KCNN3: variants seen among roughly 807,000 people sequenced by gnomAD.
KCNN3 encodes the protein small conductance calcium-activated potassium channel protein 3.
A neutral mutation model predicts 62.9 loss-of-function variants in KCNN3; 16 were observed. The observed-to-expected ratio is 0.25, with a 90% CI of 0.17 to 0.39. The LOEUF is 0.39. KCNN3 is among the 10% of genes least tolerant of loss of function. KCNN3 has a pLI of 1.00. For synonymous variants in KCNN3, 370 were observed against 389.2 expected (o/e 0.95, Z 0.58); for missense variants, 599 against 949.4 (o/e 0.63, Z 4.85).
At chr1:154,820,564 C>G (rs1228510569) in intron 2 of KCNN3, among the ~76,000 whole-genome samples, 2 of 152,212 alleles carry the variant, frequency 1.3e-5, no homozygotes, top group Non-Finnish European at 2.9e-5. Flanking sequence ...TGGGGTGGAA[C>G]CAGGCCCGGA....
chr1:154,699,152 G>A lies in KCNN3; in HGVS notation c.*8824C>T, dbSNP rs954896809. 2.0e-5 allele frequency: 3 copies of A among 147,364 alleles called. No individual in the cohort carries two copies. Among genetic ancestry groups the A allele is most frequent in the Non-Finnish European group, 4.5e-5 (3 of 67,174 alleles). The allele number at this position is 147,364 out of a possible 1,614,324, so 9.1% of individuals were successfully genotyped here. On this transcript the variant is annotated 3_prime_UTR_variant, in exon 8 of 8. Transcript: ENST00000271915. ...CTTTGGTGACCTGAGAAAGTTTACCGTAACTCCATTCAAAACCTTCAGGCA... is the reference window on the plus strand; with the variant it reads ...CTTTGGTGACCTGAGAAAGTTTACCATAACTCCATTCAAAACCTTCAGGCA...
rs935756764 is a variant in KCNN3, at chr1:154,759,997, T to G, written c.1448+11978A>C. On this transcript the variant is annotated intron_variant, in intron 3 of 7. Transcript: ENST00000271915. ...TTCTCTCTCTCTCCCACTTTCTTTC[T>G]CCTCTCTTTCTTTTCCTTCTTTCTT... Among the ~76,000 whole-genome samples, 7 of 152,136 alleles carry G rather than the reference T, an allele frequency of 4.6e-5. No homozygotes were observed. In the East Asian group the frequency reaches 1.4e-3, roughly 29 times the overall value.
intron 6 of KCNN3, among the ~76,000 whole-genome samples, chr1:154,713,903 C>A (rs867109980): frequency 1.3e-5 from 2 of 150,168 alleles, no homozygotes; most frequent in African/African-American, 2.5e-5. Context: ...CTTTTAAAAA[C>A]TCCTCCATCA....
intron 2 of KCNN3, among the ~76,000 whole-genome samples, chr1:154,789,718 C>T (rs1306255716): frequency 6.6e-6 from 1 of 152,058 alleles, no homozygotes; most frequent in African/African-American, 2.4e-5. Flanking sequence ...GAAGGAGGTG[C>T]TGCTTTTGTT....
chr1:154,770,925 C>CGG (rs1648523244), intron 3 of KCNN3, among the ~76,000 whole-genome samples: 1 of 152,024 alleles, frequency 6.6e-6, no homozygotes, highest in Non-Finnish European at 1.5e-5. Flanking sequence ...GGTATGGTGG[C>CGG]GCATGCCTGT....
At chr1:154,747,905 C>T (rs577863950) in intron 3 of KCNN3, among the ~76,000 whole-genome samples, 1 of 152,212 alleles carries the variant, frequency 6.6e-6, no homozygotes, top group Non-Finnish European at 1.5e-5. Context: ...GGCCCCTCTG[C>T]CCGGAGGCCC....
rs1553231996 is a variant in KCNN3 at position 154,766,416 on chromosome 1, T to TTTTATATATATATATATA, written c.1448+5558_1448+5559insTATATATATATATATAAA. Reference sequence around the variant, plus strand: ...CCATTTATTAAATACTAGCCAGGCTTTATATATATATATATATATATATAT... The same window carrying TTTTATATATATATATATA: ...CCATTTATTAAATACTAGCCAGGCTTTTTATATATATATATATATATATATATATATATATATATATAT... On this transcript the variant is annotated intron_variant, in intron 3 of 7. Transcript: ENST00000271915. 1.8e-4 allele frequency among the ~76,000 whole-genome samples: 13 copies of TTTTATATATATATATATA among 71,802 alleles called. 1 individual carries two copies. The highest frequency in any genetic ancestry group is 3.1e-4 in the Non-Finnish European group (11 of 35,922). The allele number at this position is 71,802 out of a possible 152,430, so 47.1% of individuals were successfully genotyped here. A position where few individuals can be genotyped will look rare whatever the true frequency, so the allele number is the denominator to read the frequency against.
chr1:154,785,485 T>G (rs1465356042), intron 2 of KCNN3, among the ~76,000 whole-genome samples: 1 of 151,494 alleles, frequency 6.6e-6, no homozygotes, highest in Non-Finnish European at 1.5e-5. Flanking sequence ...TTTCCTGATC[T>G]CCCAGTGGCG....
At chr1:154,775,569 C>G (rs909818830) in intron 2 of KCNN3, among the ~76,000 whole-genome samples, 14 of 118,444 alleles carry the variant, frequency 1.2e-4, no homozygotes, top group African/African-American at 3.5e-4. Flanking sequence ...CAGCCAGCCC[C>G]CCACCCACCC....
intron 2 of KCNN3, among the ~76,000 whole-genome samples, chr1:154,818,099 A>G (rs1473454545): frequency 6.6e-6 from 1 of 152,140 alleles, no homozygotes; most frequent in Non-Finnish European, 1.5e-5. Flanking sequence ...AACAAAATGC[A>G]TTGCTTCTTG....
intron 1 of KCNN3, chr1:154,859,792 G>A: frequency 6.2e-7 from 1 of 1,613,894 alleles, no homozygotes; most frequent in South Asian, 1.1e-5. Context: ...GCTCTAAGGA[G>A]TAGGTGCCAG....
intron 1 of KCNN3, chr1:154,867,942 A>C: frequency 1.0e-6 from 1 of 985,086 alleles, no homozygotes; most frequent in Non-Finnish European, 1.2e-6. Flanking sequence ...CATCGGCAGA[A>C]ACCCACCTTC....
intron 3 of KCNN3, among the ~76,000 whole-genome samples, chr1:154,757,985 A>C (rs537593175): frequency 1.3e-5 from 2 of 152,362 alleles, no homozygotes; most frequent in Non-Finnish European, 2.9e-5. Flanking sequence ...TAAGAGCATA[A>C]GCAAGGCTCC....
intron 3 of KCNN3, among the ~76,000 whole-genome samples, chr1:154,745,432 C>T (rs16836320): frequency 0.26 from 39,722 of 152,126 alleles, 5,456 homozygotes; most frequent in Middle Eastern, 0.34. Flanking sequence ...TTAGTGGTTT[C>T]CTGTAGAAGC....
intron 3 of KCNN3, among the ~76,000 whole-genome samples, chr1:154,768,708 C>T (rs186953313): frequency 3.3e-5 from 5 of 152,256 alleles, no homozygotes; most frequent in East Asian, 1.9e-4. Flanking sequence ...AAGGAGAGCC[C>T]GGGTCCTGGA....
intron 2 of KCNN3, among the ~76,000 whole-genome samples, chr1:154,816,531 T>C (rs548821282): frequency 6.6e-6 from 1 of 152,292 alleles, no homozygotes; most frequent in South Asian, 2.1e-4. Context: ...GCAACTTTAT[T>C]AAGGATGCCA....
intron 2 of KCNN3, among the ~76,000 whole-genome samples, chr1:154,812,611 C>T (rs1650461942): frequency 2.0e-5 from 3 of 152,120 alleles, no homozygotes; most frequent in African/African-American, 4.8e-5. Flanking sequence ...AGTGGGAGTG[C>T]GCGTTCATGG....
intron 2 of KCNN3, among the ~76,000 whole-genome samples, chr1:154,815,783 C>A (rs1233799521): frequency 6.6e-6 from 1 of 152,206 alleles, no homozygotes. Flanking sequence ...GTGACTTGAG[C>A]CTGCTTTCTT....
intron 3 of KCNN3, among the ~76,000 whole-genome samples, chr1:154,755,801 GAAGAAGAAGA>G (rs1360451812): frequency 1.4e-5 from 2 of 147,140 alleles, no homozygotes; most frequent in East Asian, 2.0e-4. Flanking sequence ...GGAGGAGGAG[GAAGAAGAAGA>G]AGGCAAAGAA....
Sources: gnomAD v4.1 joint callset for allele counts (sites outside exome capture counted in the v4.1 genomes callset) on GRCh38, gnomAD v4.1.1 for gene constraint, MANE v1.5 for transcripts, NCBI Gene and HGNC (gene_info 2026-07-23, HGNC 2026-07-21) for gene names.